NUP155: variants seen among roughly 807,000 people sequenced by gnomAD.
NUP155 encodes the protein nucleoporin 155, also known as nuclear pore complex protein Nup155.
In NUP155, 71 loss-of-function variants were observed where a neutral mutation model predicts 180.4. The ratio of observed to expected loss-of-function variants is 0.39; its 90% CI spans 0.33 to 0.48. NUP155 has a LOEUF of 0.48. Among genes scored for constraint, NUP155 ranks in the 20% least tolerant of loss-of-function variants. The pLI is 0.91. For synonymous variants in NUP155, 582 were observed against 559.5 expected (o/e 1.04, Z -0.57); for missense variants, 1,553 against 1,648.9 (o/e 0.94, Z 1.01).
rs1183037565 is a variant in NUP155 at position 37,365,029 on chromosome 5, C to T, written c.158-645G>A. Among the ~76,000 whole-genome samples, 5 of 150,360 alleles carry T rather than the reference C, an allele frequency of 3.3e-5. No individual in the cohort carries two copies. In the East Asian group the frequency reaches 6.2e-4, roughly 19 times the overall value. On this transcript the variant is annotated intron_variant, in intron 1 of 34. Transcript: ENST00000231498. The stretch of plus-strand genomic sequence containing the variant: ...CTGTAATCCTAGCACTTTGGGAGGC[C>T]GAGGTAGGAGGATCATGAGGTCAGG...
chr5:37,354,352 T>G (rs1234998525), intron 4 of NUP155, among the ~76,000 whole-genome samples: 5 of 152,114 alleles, frequency 3.3e-5, no homozygotes, highest in African/African-American at 1.2e-4. Flanking sequence ...CACCATGTGG[T>G]CAGGCTTGTC....
Position 37,306,456 on chromosome 5 carries a change from T to A in NUP155, c.2903+841A>T, listed in dbSNP as rs1053371779. On this transcript the variant is annotated intron_variant, in intron 25 of 34. Transcript: ENST00000231498. ...AAACACCCTCCATATATATATGTTA[T>A]AGAAAGGTTATATATTTCTTCTTTG... Among the ~76,000 whole-genome samples the A allele has an allele frequency of 6.6e-5, 10 of 152,212 alleles. No individual in the cohort carries two copies. The East Asian group carries it at 1.9e-3, about 29-fold the overall frequency.
intron 21 of NUP155, 120 bp downstream of exon 21, chr5:37,317,868 T>A: frequency 1.3e-6 from 1 of 756,160 alleles, no homozygotes; most frequent in South Asian, 1.4e-5. Context: ...ACACTGATAT[T>A]TTAATTACAA....
At chr5:37,307,154 C>G in intron 25 of NUP155, 143 bp downstream of exon 25, 1 of 747,606 alleles carries the variant, frequency 1.3e-6, no homozygotes, top group Admixed American at 2.7e-5. Context: ...GCCAAGATCA[C>G]ACGACTGCAC....
At chr5:37,353,180 T>C (rs1342905828) in intron 4 of NUP155, among the ~76,000 whole-genome samples, 1 of 152,126 alleles carries the variant, frequency 6.6e-6, no homozygotes, top group Non-Finnish European at 1.5e-5. Context: ...TTCATAGCAG[T>C]GTTTTTCACA....
chr5:37,336,222 T>C (rs1318695277), intron 12 of NUP155, among the ~76,000 whole-genome samples: 1 of 152,154 alleles, frequency 6.6e-6, no homozygotes, highest in Non-Finnish European at 1.5e-5. Flanking sequence ...GTCTCACACC[T>C]GTAATCCCAG....
intron 22 of NUP155, among the ~76,000 whole-genome samples, chr5:37,311,649 G>T (rs1315495285): frequency 6.6e-6 from 1 of 151,716 alleles, no homozygotes; most frequent in African/African-American, 2.4e-5. Context: ...ATCCATACAG[G>T]ACAAGGAAAA....
chr5:37,295,097 C>T (rs1260084441), intron 32 of NUP155, among the ~76,000 whole-genome samples: 5 of 152,164 alleles, frequency 3.3e-5, no homozygotes, highest in Admixed American at 6.5e-5. Flanking sequence ...CCTCTGATGC[C>T]GAGCCGAAGC....
In NUP155 at chr5:37,331,690, G is replaced by A. The variant is rs137866662; in HGVS notation, c.1624C>T (p.His542Tyr). The part of the protein sequence containing the change: ...GEEIERFFKL[H>Y]QEDQACATCL... ...TTAAAAGTATATATAATTACCTGAT[G>A]TAATTTAAAGAATCTTTCAATCTCT... The change falls in exon 14 of 35, where the codon CAT (histidine) becomes TAT (tyrosine). Residue 542 changes from histidine (H) to tyrosine (Y), a missense_variant. Coordinates refer to ENST00000231498, the MANE Select transcript of NUP155 (RefSeq NM_153485.3). The A allele has an allele frequency of 1.1e-3, 1,666 of 1,559,722 alleles. 1 individual carries two copies. The highest frequency in any genetic ancestry group is 1.3e-3 in the Non-Finnish European group (1,515 of 1,134,116).
At chr5:37,328,220 G>A in intron 17 of NUP155, 138 bp downstream of exon 17, 5 of 713,308 alleles carry the variant, frequency 7.0e-6, no homozygotes, top group Non-Finnish European at 1.2e-5. Flanking sequence ...GCCAAAACTT[G>A]CTTGGACAGC....
intron 1 of NUP155, among the ~76,000 whole-genome samples, chr5:37,367,047 C>CTT (rs113667703): frequency 4.9e-5 from 7 of 144,240 alleles, no homozygotes; most frequent in East Asian, 2.0e-4. Context: ...CTCTTTTTCT[C>CTT]TTTTTTTTTT....
intron 27 of NUP155, 42 bp downstream of exon 27, chr5:37,304,697 C>T: frequency 3.0e-6 from 4 of 1,325,276 alleles, no homozygotes; most frequent in Non-Finnish European, 4.4e-6. Flanking sequence ...GAGTTATGCT[C>T]CTTAAGAATA....
At chr5:37,362,115 C>G (rs1433570194) in intron 3 of NUP155, among the ~76,000 whole-genome samples, 1 of 152,140 alleles carries the variant, frequency 6.6e-6, no homozygotes, top group Non-Finnish European at 1.5e-5. Context: ...TCTGTTTTAG[C>G]AGCTCGGACT....
chr5:37,309,589 A>AT lies in NUP155; in HGVS notation c.2629-323dup, dbSNP rs1743398783. ...TTTTTCCACCTGTAGGAAAGGATCA[A>AT]TAAAAATGCCCCCATTAACTCTAAT... On this transcript the variant is annotated intron_variant, in intron 23 of 34. Coordinates refer to ENST00000231498, the MANE Select transcript of NUP155 (RefSeq NM_153485.3). The AT allele has an allele frequency of 1.6e-5, 4 of 247,228 alleles. No individual in the cohort carries two copies. In the East Asian group the frequency reaches 3.6e-4, roughly 22 times the overall value. 15.3% of individuals were successfully genotyped at this position (247,228 alleles called of 1,614,324 possible). A position where few individuals can be genotyped will look rare whatever the true frequency, so the allele number is the denominator to read the frequency against.
rs758425044 is a variant in NUP155 at position 37,291,878 on chromosome 5, G to A, written c.*22C>T. On this transcript the variant is annotated 3_prime_UTR_variant, in exon 35 of 35. Transcript: ENST00000231498. ...GTTTTTATTTTACAGATCATAAAAC[G>A]GATGAAAGTATATCACAGTAATTAA... The A allele has an allele frequency of 8.1e-6, 13 of 1,609,872 alleles. No individual in the cohort carries two copies. The highest frequency in any genetic ancestry group is 2.2e-5 in the East Asian group (1 of 44,830).
At chr5:37,364,918 G>C (rs1350463766) in intron 1 of NUP155, among the ~76,000 whole-genome samples, 1 of 151,752 alleles carries the variant, frequency 6.6e-6, no homozygotes, top group African/African-American at 2.4e-5. Flanking sequence ...TTACAGGTGT[G>C]AGCCACCGTG....
chr5:37,299,378 C>T, intron 31 of NUP155, 70 bp downstream of exon 31: 1 of 1,573,688 alleles, frequency 6.4e-7, no homozygotes, highest in South Asian at 1.1e-5. Context: ...ATATTAGTTA[C>T]TAGCAGCTTG....
intron 21 of NUP155, among the ~76,000 whole-genome samples, chr5:37,315,760 T>A (rs943337083): frequency 1.3e-5 from 2 of 152,098 alleles, no homozygotes; most frequent in Admixed American, 6.6e-5. Context: ...CTGGCCAACA[T>A]GGTGAAACCC....
At chr5:37,312,042 A>G (rs59842820) in intron 22 of NUP155, among the ~76,000 whole-genome samples, 20,153 of 152,124 alleles carry the variant, frequency 0.13, 1,394 homozygotes, top group African/African-American at 0.17. Flanking sequence ...AAAACAAACA[A>G]ACAAATAAAT....
Sources: allele counts gnomAD v4.1 joint callset (sites outside exome capture counted in the v4.1 genomes callset), GRCh38; gene constraint gnomAD v4.1.1; transcripts MANE v1.5; gene names NCBI Gene and HGNC (gene_info 2026-07-23, HGNC 2026-07-21).